The following CCDC47 variants were observed in gnomAD, a reference collection of about 807,000 sequenced individuals.
The protein encoded by CCDC47 is PAT complex subunit CCDC47.
Under a neutral mutation model 60.5 loss-of-function variants are expected in CCDC47, and 41 were observed. That is an observed-to-expected ratio of 0.68 (90% confidence interval 0.53 to 0.88). CCDC47 has a LOEUF of 0.88. Ranked by LOEUF, CCDC47 falls within the 40% of genes least tolerant of loss-of-function variation. The probability of loss-of-function intolerance (pLI) is 0.00; values close to 1 mark genes in which losing one functional copy is unlikely to be tolerated. For missense variants in CCDC47, 513 were observed against 580.9 expected, an observed-to-expected ratio of 0.88 and a Z score of 1.20; for synonymous variants, 195 against 190.7, an observed-to-expected ratio of 1.02 and a Z score of -0.18.
chr17:63,769,624 A>AAG (rs1555717183), intron 1 of CCDC47, among the ~76,000 whole-genome samples: 144 of 151,546 alleles, frequency 9.5e-4, no homozygotes, highest in African/African-American at 3.0e-3. Flanking sequence ...AAAAAAAAAA[A>AAG]AAAAGAAAAG....
chr17:63,751,168 C>T (rs1229257290), intron 12 of CCDC47, among the ~76,000 whole-genome samples: 3 of 151,534 alleles, frequency 2.0e-5, no homozygotes, highest in Non-Finnish European at 4.4e-5. Flanking sequence ...GCGTGAGCCA[C>T]TGCACCTGGC....
At chr17:63,763,926 A>G in intron 4 of CCDC47, 90 bp downstream of exon 4, 1 of 930,594 alleles carries the variant, frequency 1.1e-6, no homozygotes, top group East Asian at 2.9e-5. Flanking sequence ...TATTCCATGA[A>G]AGCAGTTAGA....
In CCDC47 at chr17:63,759,523, ATATTT is replaced by A. The variant is rs2039236470; in HGVS notation, c.735+1386_735+1390del. The stretch of plus-strand genomic sequence containing the variant: ...AAAAAAAAAAAATATATATATATAT[ATATTT>A]ATATATATATATATATATATATATA... On this transcript the variant is annotated intron_variant, in intron 6 of 12. Coordinates refer to ENST00000225726, the MANE Select transcript of CCDC47 (RefSeq NM_020198.3). Among the ~76,000 whole-genome samples the A allele has an allele frequency of 2.3e-3, 27 of 11,498 alleles. 5 individuals carry two copies. The highest frequency in any genetic ancestry group is 6.1e-3 in the South Asian group (2 of 328). The allele number at this position is 11,498 out of a possible 152,430, so 7.5% of individuals were successfully genotyped here.
chr17:63,765,457 C>T (rs1366980810), intron 2 of CCDC47, among the ~76,000 whole-genome samples: 1 of 152,102 alleles, frequency 6.6e-6, no homozygotes, highest in Non-Finnish European at 1.5e-5. Context: ...TCTCTTGGCT[C>T]AGCCTCCCAA....
In CCDC47 at chr17:63,756,546, C is replaced by T. The variant is rs1446034545; in HGVS notation, c.760G>A (p.Glu254Lys). ...GCAAATACGTAGGTATCCATGTCTT[C>T]ATCATTCATGGTTACTTTTATTTGC... ...QVQIKVTMNDEDMDTYVFAVG... is the reference protein window; with the variant it reads ...QVQIKVTMNDKDMDTYVFAVG... Residue 254 changes from glutamate (E) to lysine (K), a missense_variant, in exon 7 of 13, where the codon GAA (glutamate) becomes AAA (lysine). Transcript: ENST00000225726. 1.2e-6 allele frequency: 2 copies of T among 1,613,274 alleles called. No homozygotes were observed. The highest frequency in any genetic ancestry group is 1.7e-5 in the Admixed American group (1 of 60,004).
chr17:63,755,078 T>C (rs1482795655), intron 8 of CCDC47, among the ~76,000 whole-genome samples: 1 of 152,014 alleles, frequency 6.6e-6, no homozygotes, highest in Non-Finnish European at 1.5e-5. Context: ...TCAAGTGATC[T>C]TCCTGCCTCA....
At chr17:63,766,466 C>T (rs1273118701) in intron 1 of CCDC47, among the ~76,000 whole-genome samples, 1 of 152,080 alleles carries the variant, frequency 6.6e-6, no homozygotes, top group Non-Finnish European at 1.5e-5. Flanking sequence ...TCTTGTCGCC[C>T]AGGTTGGAGC....
intron 1 of CCDC47, among the ~76,000 whole-genome samples, chr17:63,768,219 A>G (rs887884296): frequency 3.3e-5 from 5 of 152,230 alleles, no homozygotes; most frequent in African/African-American, 1.2e-4. Context: ...TTCACTAAGC[A>G]TATCGCCACA....
rs145567859 is a variant in CCDC47, at chr17:63,749,888, G to A, written c.1371+2052C>T. Among the ~76,000 whole-genome samples, 972 of 152,240 alleles carry A rather than the reference G, an allele frequency of 6.4e-3. 3 individuals are homozygous for A. Among genetic ancestry groups the A allele is most frequent in the Admixed American group, 0.015 (233 of 15,272 alleles). ...GAGGATGGCTTGAGCCCAGGAGTTC[G>A]AAGCTGCAGCGAGCTACGATTTTGC... is the stretch of plus-strand genomic sequence containing the variant. On this transcript the variant is annotated intron_variant, in intron 12 of 12. Coordinates refer to ENST00000225726, the MANE Select transcript of CCDC47 (RefSeq NM_020198.3).
chr17:63,752,916 G>A (rs1490561551), intron 9 of CCDC47, 117 bp from the exon 10 acceptor site: 9 of 1,408,552 alleles, frequency 6.4e-6, no homozygotes, highest in Non-Finnish European at 1.9e-6. Flanking sequence ...ACAGTATTTG[G>A]CTTGGCATAC....
chr17:63,768,533 T>C (rs2039313082), intron 1 of CCDC47, among the ~76,000 whole-genome samples: 1 of 151,706 alleles, frequency 6.6e-6, no homozygotes, highest in Admixed American at 6.6e-5. Context: ...ACAAACAAAA[T>C]AGAAAAATTA....
Position 63,746,425 on chromosome 17 carries a change from G to C in CCDC47, c.*456C>G, listed in dbSNP as rs1430907713. On this transcript the variant is annotated 3_prime_UTR_variant, in exon 13 of 13. Transcript: ENST00000225726. Reference sequence around the variant, plus strand: ...AAGAAAACATCAAGCAATGTTTATTGTGCAATTCCAATCATTATTTGCAGA... The same window carrying C: ...AAGAAAACATCAAGCAATGTTTATTCTGCAATTCCAATCATTATTTGCAGA... The C allele has an allele frequency of 6.4e-6, 1 of 155,388 alleles. No individual in the cohort carries two copies. The highest frequency in any genetic ancestry group is 1.4e-5 in the Non-Finnish European group (1 of 69,758). The allele number at this position is 155,388 out of a possible 1,614,324, so 9.6% of individuals were successfully genotyped here.
chr17:63,757,433 C>T (rs966291749), intron 6 of CCDC47, among the ~76,000 whole-genome samples: 1 of 151,058 alleles, frequency 6.6e-6, no homozygotes, highest in Non-Finnish European at 1.5e-5. Context: ...GAACTGAATT[C>T]TGCCAACAAC....
chr17:63,753,959 A>T (rs1250017370), intron 9 of CCDC47, among the ~76,000 whole-genome samples: 2 of 152,188 alleles, frequency 1.3e-5, no homozygotes, highest in Admixed American at 6.5e-5. Flanking sequence ...TACAAAAATT[A>T]GCCGAGCGTG....
rs367935088 is a variant in CCDC47 at position 63,751,931 on chromosome 17, T to G, written c.1371+9A>C. 1 of 1,613,614 alleles carries G rather than the reference T, an allele frequency of 6.2e-7. No homozygotes were observed. Among genetic ancestry groups the G allele is most frequent in the Non-Finnish European group, 8.5e-7 (1 of 1,179,966 alleles). ...TCGTAGTTTTACCCCAGTGATAAGT[T>G]TGTCTAACCTCCAGCCTGCGCTGTT... On this transcript the variant is annotated intron_variant, in intron 12 of 12. Transcript: ENST00000225726.
chr17:63,752,811 G>C lies in CCDC47; in HGVS notation c.1035-12C>G, dbSNP rs1347711141. ...AAGGCTGACCTTCCCTGTCATAAAAGAAAAGGCAATTAAGAAGGAATACAA... is the reference window on the plus strand; with the variant it reads ...AAGGCTGACCTTCCCTGTCATAAAACAAAAGGCAATTAAGAAGGAATACAA... On this transcript the variant is annotated splice_polypyrimidine_tract_variant and intron_variant, in intron 9 of 12. Coordinates refer to ENST00000225726, the MANE Select transcript of CCDC47 (RefSeq NM_020198.3). 6.2e-7 allele frequency: 1 copy of C among 1,609,340 alleles called. No individual in the cohort carries two copies. Among genetic ancestry groups the C allele is most frequent in the Admixed American group, 1.7e-5 (1 of 59,192 alleles).
At chr17:63,749,674 G>A (rs1012869865) in intron 12 of CCDC47, among the ~76,000 whole-genome samples, 1 of 151,992 alleles carries the variant, frequency 6.6e-6, no homozygotes, top group African/African-American at 2.4e-5. Context: ...GCTTGAACCC[G>A]GGAGGTGGAG....
chr17:63,757,729 T>C (rs545251998), intron 6 of CCDC47, among the ~76,000 whole-genome samples: 1 of 152,332 alleles, frequency 6.6e-6, no homozygotes, highest in African/African-American at 2.4e-5. Context: ...AACTGAAATA[T>C]ATTTGGTTTT....
rs372219796 is a variant in CCDC47, at chr17:63,756,287, T to C, written c.901A>G (p.Ile301Val). The part of the protein sequence containing the change: ...AKYGLPDSLA[I>V]LSEMGEVTDG... ...GTGACTTCTCCCATCTCTGACAGGA[T>C]GGCCAAAGAGTCCGGCAGTCCATAC... is the stretch of plus-strand genomic sequence containing the variant. Residue 301 changes from isoleucine to valine, a missense_variant, in exon 8 of 13, where the codon ATC becomes GTC. Transcript: ENST00000225726. The C allele has an allele frequency of 6.2e-7, 1 of 1,614,078 alleles. No homozygotes were observed. Among genetic ancestry groups the C allele is most frequent in the Non-Finnish European group, 8.5e-7 (1 of 1,180,018 alleles).
Sources: allele counts gnomAD v4.1 joint callset (sites outside exome capture counted in the v4.1 genomes callset), GRCh38; gene constraint gnomAD v4.1.1; transcripts MANE v1.5; gene names NCBI Gene and HGNC (gene_info 2026-07-23, HGNC 2026-07-21).